FMN1: variants seen among roughly 807,000 people sequenced by gnomAD.
FMN1 encodes the protein formin 1, also known as formin-1.
FMN1 carries 110 observed loss-of-function variants against 132.4 expected under a neutral mutation model. That is an observed-to-expected ratio of 0.83 (90% CI 0.71 to 0.97). FMN1 has a LOEUF of 0.97. Ranked by LOEUF, FMN1 falls within the 50% of genes least tolerant of loss-of-function variation. FMN1 has a pLI of 0.00. For synonymous variants in FMN1, 722 were observed against 651.7 expected (o/e 1.11, Z -1.64); for missense variants, 1,792 against 1,705.3 (o/e 1.05, Z -0.90).
chr15:33,137,693 C>T (rs80302246), intron 4 of FMN1, among the ~76,000 whole-genome samples: 2,682 of 152,270 alleles, frequency 0.018, 78 homozygotes, highest in African/African-American at 0.056. Context: ...CATTTCTTTA[C>T]ACTGGGGTAT....
intron 19 of FMN1, among the ~76,000 whole-genome samples, chr15:32,780,866 TATA>T (rs145985988): frequency 0.012 from 1,830 of 152,302 alleles, 34 homozygotes; most frequent in African/African-American, 0.041. Context: ...ACACTGTGCG[TATA>T]ATTTTAAATT....
intron 4 of FMN1, among the ~76,000 whole-genome samples, chr15:33,131,271 G>A (rs1459926580): frequency 6.9e-6 from 1 of 145,494 alleles, no homozygotes; most frequent in East Asian, 2.0e-4. Flanking sequence ...AGAGGCTGCA[G>A]TGAGCTGAGA....
In FMN1 at chr15:33,024,366, C is replaced by T. The variant is rs142840388; in HGVS notation, c.2162-16291G>A. Among the ~76,000 whole-genome samples the T allele has an allele frequency of 4.2e-4, 63 of 151,412 alleles. No homozygotes were observed. The East Asian group carries it at 0.012, about 30-fold the overall frequency. On this transcript the variant is annotated intron_variant, in intron 6 of 20. Transcript: ENST00000616417. ...GGTTCATGCCATTCTCCTGCCTCAGCGTCCTGAGTAGCCAGGACTACAGGC... is the reference window on the plus strand; with the variant it reads ...GGTTCATGCCATTCTCCTGCCTCAGTGTCCTGAGTAGCCAGGACTACAGGC...
chr15:32,803,142 T>C (rs773955300), intron 18 of FMN1, among the ~76,000 whole-genome samples: 1 of 152,214 alleles, frequency 6.6e-6, no homozygotes, highest in Non-Finnish European at 1.5e-5. Context: ...GGTTAATTTC[T>C]ACAATCTGTT....
chr15:32,869,928 G>A (rs1184332347), intron 16 of FMN1, among the ~76,000 whole-genome samples: 2 of 152,308 alleles, frequency 1.3e-5, no homozygotes, highest in East Asian at 3.9e-4. Flanking sequence ...AGCCAGCTTG[G>A]AGAGGCGTGA....
At chr15:32,883,310 C>T (rs978875242) in intron 16 of FMN1, among the ~76,000 whole-genome samples, 1 of 151,818 alleles carries the variant, frequency 6.6e-6, no homozygotes, top group Non-Finnish European at 1.5e-5. Flanking sequence ...TTGAGACTAG[C>T]CTAGGCAACA....
At chr15:33,068,701 G>C (rs188382767) in intron 5 of FMN1, among the ~76,000 whole-genome samples, 18 of 151,742 alleles carry the variant, frequency 1.2e-4, no homozygotes, top group Non-Finnish European at 2.4e-4. Flanking sequence ...CCTAAAGCCC[G>C]TGAGGGATAA....
intron 18 of FMN1, among the ~76,000 whole-genome samples, chr15:32,799,693 A>G (rs73386805): frequency 0.02 from 3,009 of 152,278 alleles, 41 homozygotes; most frequent in Middle Eastern, 0.037. Context: ...GGATTCCCAG[A>G]TATCAGTAAG....
intron 9 of FMN1, among the ~76,000 whole-genome samples, chr15:32,959,866 T>C (rs1344373625): frequency 2.6e-5 from 4 of 152,144 alleles, no homozygotes; most frequent in Non-Finnish European, 1.5e-5. Context: ...AAAAGAGTAA[T>C]AGCAATCTAA....
intron 6 of FMN1, among the ~76,000 whole-genome samples, chr15:33,019,753 C>T (rs1047058067): frequency 2.6e-5 from 4 of 152,222 alleles, no homozygotes; most frequent in South Asian, 2.1e-4. Flanking sequence ...GCGGCAGGGC[C>T]GGCAGGCCAC....
chr15:33,092,332 G>A (rs2038932699), intron 4 of FMN1, among the ~76,000 whole-genome samples: 1 of 152,136 alleles, frequency 6.6e-6, no homozygotes, highest in Non-Finnish European at 1.5e-5. Context: ...AATAGAATCA[G>A]TCTGTCTAGC....
intron 2 of FMN1, among the ~76,000 whole-genome samples, chr15:33,183,179 C>A (rs561452466): frequency 1.3e-5 from 2 of 152,224 alleles, no homozygotes; most frequent in South Asian, 2.1e-4. Flanking sequence ...ACAATCAAAC[C>A]CTGTTGTATA....
At chr15:32,860,886 G>A (rs1278543447) in intron 16 of FMN1, 3 of 152,078 alleles carry the variant, frequency 2.0e-5, no homozygotes, top group Non-Finnish European at 2.9e-5. Flanking sequence ...TCATAAGCAA[G>A]GTAACAAAGG....
chr15:33,018,376 G>A (rs1332133071), intron 6 of FMN1, among the ~76,000 whole-genome samples: 2 of 152,150 alleles, frequency 1.3e-5, no homozygotes, highest in Admixed American at 6.5e-5. Flanking sequence ...AGAGGGTTGG[G>A]ACTTTCAGTT....
intron 9 of FMN1, among the ~76,000 whole-genome samples, chr15:32,936,744 G>A (rs914742241): frequency 5.3e-5 from 8 of 151,936 alleles, no homozygotes; most frequent in Non-Finnish European, 1.2e-4. Flanking sequence ...AAAGAAGATG[G>A]GTGAAGATGA....
chr15:32,953,733 A>G (rs564843386), intron 9 of FMN1, among the ~76,000 whole-genome samples: 133 of 152,304 alleles, frequency 8.7e-4, no homozygotes, highest in Non-Finnish European at 1.5e-3. Flanking sequence ...CCACCCCAGC[A>G]CAACGGGGGC....
At chr15:33,088,496 C>T (rs2038786136) in intron 5 of FMN1, among the ~76,000 whole-genome samples, 2 of 152,148 alleles carry the variant, frequency 1.3e-5, no homozygotes. Context: ...AAGTGACTAG[C>T]AACCAGTGGG....
intron 12 of FMN1, among the ~76,000 whole-genome samples, chr15:32,904,344 TA>T (rs1319649389): frequency 2.0e-5 from 3 of 152,190 alleles, no homozygotes; most frequent in Non-Finnish European, 4.4e-5. Flanking sequence ...AGGCAGATGC[TA>T]AAATTGTGTT....
intron 9 of FMN1, among the ~76,000 whole-genome samples, chr15:32,953,666 C>A (rs1298937352): frequency 6.6e-6 from 1 of 152,142 alleles, no homozygotes; most frequent in Admixed American, 6.5e-5. Context: ...AACCTGAGCT[C>A]CAGGCCTCTC....
Sources: gnomAD v4.1 joint callset for allele counts (sites outside exome capture counted in the v4.1 genomes callset) on GRCh38, gnomAD v4.1.1 for gene constraint, MANE v1.5 for transcripts, NCBI Gene and HGNC (gene_info 2026-07-23, HGNC 2026-07-21) for gene names.